The following TMEM30A variants were observed in gnomAD, a reference collection of about 807,000 sequenced individuals.
TMEM30A encodes cell cycle control protein 50A.
A neutral mutation model predicts 38.2 loss-of-function variants in TMEM30A; 24 were observed. That is an observed-to-expected ratio of 0.63 (90% CI 0.46 to 0.88). TMEM30A has a LOEUF of 0.88. TMEM30A is among the 40% of genes least tolerant of loss of function. The pLI is 0.00. For synonymous variants in TMEM30A, 145 were observed against 161.6 expected (o/e 0.90, Z 0.78); for missense variants, 370 against 458.6 (o/e 0.81, Z 1.77).
chr6:75,264,917 T>G (rs1164465880), intron 3 of TMEM30A, among the ~76,000 whole-genome samples: 2 of 151,962 alleles, frequency 1.3e-5, no homozygotes, highest in Non-Finnish European at 2.9e-5. Flanking sequence ...CTGGCCAACA[T>G]GTTGAAACCC....
At chr6:75,271,082 A>G (rs1234639187) in intron 1 of TMEM30A, among the ~76,000 whole-genome samples, 5 of 151,666 alleles carry the variant, frequency 3.3e-5, no homozygotes, top group African/African-American at 1.2e-4. Context: ...AAAACAAACT[A>G]TATTTTAAAA....
At position 75,267,758 on chromosome 6, in the gene TMEM30A, A is replaced by G. The variant is rs762165028; in HGVS notation, c.238-10T>C. On this transcript the variant is annotated splice_polypyrimidine_tract_variant and intron_variant, in intron 1 of 6. Transcript: ENST00000230461. ...TTCCGGTATAATCAATCTGCAAGAG[A>G]AAAATATAACTAAGCACTTCCTTAG... The G allele has an allele frequency of 6.3e-6, 10 of 1,575,482 alleles. No individual in the cohort carries two copies. The South Asian group carries it at 1.0e-4, about 16-fold the overall frequency.
At position 75,256,183 on chromosome 6, in the gene TMEM30A, G is replaced by A; in HGVS notation, c.1005C>T (p.Ile335=). Residue 335 remains isoleucine, a synonymous_variant, in exon 7 of 7, where the codon ATC becomes ATT. Transcript: ENST00000230461. ...GCAGTACAACTCCCAGAAGGAAGGAGATGGATCCAACAGCGATGTAAGCAA... is the reference window on the plus strand; with the variant it reads ...GCAGTACAACTCCCAGAAGGAAGGAAATGGATCCAACAGCGATGTAAGCAA... ...LGIAYIAVGS[I]SFLLGVVLLV... is the part of the protein sequence containing the mutation. The A allele has an allele frequency of 1.2e-6, 2 of 1,613,378 alleles. No individual in the cohort carries two copies. The highest frequency in any genetic ancestry group is 1.3e-5 in the African/African-American group (1 of 74,988).
intron 3 of TMEM30A, among the ~76,000 whole-genome samples, chr6:75,264,710 G>A (rs1489482992): frequency 2.0e-5 from 3 of 152,042 alleles, no homozygotes; most frequent in Admixed American, 2.0e-4. Context: ...CTGAAGAACA[G>A]TAAAGAAACT....
At chr6:75,282,366 G>A (rs1381054351) in intron 1 of TMEM30A, among the ~76,000 whole-genome samples, 1 of 152,162 alleles carries the variant, frequency 6.6e-6, no homozygotes, top group African/African-American at 2.4e-5. Context: ...TACTTAGCGT[G>A]AAGAACCTTA....
chr6:75,273,537 C>G (rs571776196), intron 1 of TMEM30A, among the ~76,000 whole-genome samples: 1 of 150,958 alleles, frequency 6.6e-6, no homozygotes, highest in Middle Eastern at 3.5e-3. Flanking sequence ...GTCTAGTAGT[C>G]AGCAAATTTC....
intron 4 of TMEM30A, among the ~76,000 whole-genome samples, chr6:75,259,880 C>A (rs1334596331): frequency 6.6e-6 from 1 of 152,172 alleles, no homozygotes; most frequent in East Asian, 1.9e-4. Context: ...GCACACAGGG[C>A]TACTGAGTCT....
In TMEM30A at chr6:75,279,250, C is replaced by T. The variant is rs112882389; in HGVS notation, c.237+5152G>A. On this transcript the variant is annotated intron_variant, in intron 1 of 6. Transcript: ENST00000230461. ...TGATTAAAATCCTTTATAAATTTAA[C>T]TCAGCTTATGAGTTTTCACCATCAA... Among the ~76,000 whole-genome samples the T allele has an allele frequency of 4.9e-4, 75 of 152,264 alleles. 1 individual carries two copies. The highest frequency in any genetic ancestry group is 1.8e-3 in the African/African-American group (74 of 41,554).
At chr6:75,273,220 T>C (rs1397446957) in intron 1 of TMEM30A, among the ~76,000 whole-genome samples, 1 of 152,190 alleles carries the variant, frequency 6.6e-6, no homozygotes, top group Non-Finnish European at 1.5e-5. Context: ...GCAAGCTAAG[T>C]AACCGAGTGT....
chr6:75,281,086 C>T (rs1432910279), intron 1 of TMEM30A, among the ~76,000 whole-genome samples: 1 of 152,032 alleles, frequency 6.6e-6, no homozygotes, highest in African/African-American at 2.4e-5. Context: ...ACTAAGATCT[C>T]ATGAAAATGT....
rs1445484538 is a variant in TMEM30A at position 75,259,367 on chromosome 6, T to C, written c.665A>G (p.Asn222Ser). 2 of 1,612,504 alleles carry C rather than the reference T, an allele frequency of 1.2e-6. No homozygotes were observed. Among genetic ancestry groups the C allele is most frequent in the South Asian group, 1.1e-5 (1 of 90,666 alleles). ...VKFRNPPGGD[N>S]LEERFKGTTK... ...TTTACCTTTAAATCGTTCTTCCAGGTTGTCTCCTCCAGGGGGATTTCTGAA... is the reference window on the plus strand; with the variant it reads ...TTTACCTTTAAATCGTTCTTCCAGGCTGTCTCCTCCAGGGGGATTTCTGAA... The change falls in exon 5 of 7, where the codon AAC (asparagine) becomes AGC (serine). Residue 222 changes from asparagine to serine, a missense_variant. By Grantham distance (46) the Asn-to-Ser change is conservative. Transcript: ENST00000230461.
In TMEM30A at chr6:75,284,473, T is replaced by C. The variant is rs550352051; in HGVS notation, c.166A>G (p.Ile56Val). The C allele has an allele frequency of 8.7e-6, 14 of 1,613,612 alleles. No homozygotes were observed. The South Asian group carries it at 1.3e-4, about 15-fold the overall frequency. The change falls in exon 1 of 7, where the codon ATC becomes GTC. Residue 56 changes from isoleucine (I) to valine (V), a missense_variant. Ile to Val is a conservative substitution (Grantham distance 29). Transcript: ENST00000230461. ...ATGGGAATGAAGATGAGACCGATGATGAAGAAAATAGGTAGCACCGTGCCA... is the reference window on the plus strand; with the variant it reads ...ATGGGAATGAAGATGAGACCGATGACGAAGAAAATAGGTAGCACCGTGCCA... Reference protein sequence around the residue: ...TAGTVLPIFFIIGLIFIPIGI... With the variant: ...TAGTVLPIFFVIGLIFIPIGI...
intron 1 of TMEM30A, among the ~76,000 whole-genome samples, chr6:75,269,696 T>G (rs973790447): frequency 2.0e-5 from 3 of 152,104 alleles, no homozygotes; most frequent in African/African-American, 7.2e-5. Flanking sequence ...AGAGTATGTT[T>G]GCTTTTTCTT....
chr6:75,262,515 G>A (rs1423367633), intron 3 of TMEM30A, among the ~76,000 whole-genome samples: 2 of 151,550 alleles, frequency 1.3e-5, no homozygotes, highest in African/African-American at 2.4e-5. Context: ...TGGTGGTGGG[G>A]GCCTATAATC....
rs1772427801 is a variant in TMEM30A at position 75,284,538 on chromosome 6, T to C, written c.101A>G (p.Lys34Arg). The C allele has an allele frequency of 6.2e-7, 1 of 1,612,344 alleles. No homozygotes were observed. The highest frequency in any genetic ancestry group is 1.3e-5 in the African/African-American group (1 of 74,850). The part of the protein sequence containing the change: ...KTRRPDNTAF[K>R]QQRLPAWQPI... ...CTGCCAAGCTGGCAGCCGTTGCTGT[T>C]TGAAGGCCGTGTTATCCGGTCTCCG... Residue 34 changes from lysine (K) to arginine (R), a missense_variant, in exon 1 of 7, where the codon AAA becomes AGA. Physicochemically the swap from Lys to Arg is conservative, Grantham distance 26. Transcript: ENST00000230461.
chr6:75,265,303 G>C lies in TMEM30A; in HGVS notation c.381C>G (p.Phe127Leu). Residue 127 changes from phenylalanine (F) to leucine (L), a missense_variant, in exon 3 of 7, where the codon TTC becomes TTG. Physicochemically the swap from Phe to Leu is conservative, Grantham distance 22 (BLOSUM62 0). Transcript: ENST00000230461. Reference sequence around the variant, plus strand: ...TCACGTAACGACGATGGTTTTGATAGAAATTAGACAGTCCATAATACATAA... The same window carrying C: ...TCACGTAACGACGATGGTTTTGATACAAATTAGACAGTCCATAATACATAA... ...NVFMYYGLSNFYQNHRRYVKS... is the reference protein window; with the variant it reads ...NVFMYYGLSNLYQNHRRYVKS... 1.2e-6 allele frequency: 2 copies of C among 1,611,396 alleles called. No individual in the cohort carries two copies. Among genetic ancestry groups the C allele is most frequent in the South Asian group, 2.2e-5 (2 of 90,862 alleles).
Position 75,265,294 on chromosome 6 carries a change from G to A in TMEM30A, c.390C>T (p.Asn130=). 1 of 1,611,776 alleles carries A rather than the reference G, an allele frequency of 6.2e-7. No homozygotes were observed. ...CTCGAGATTTCACGTAACGACGATG[G>A]TTTTGATAGAAATTAGACAGTCCAT... is the stretch of plus-strand genomic sequence containing the variant. ...MYYGLSNFYQ[N]HRRYVKSRDD... Residue 130 remains asparagine (N), a synonymous_variant, in exon 3 of 7, where the codon AAC becomes AAT. Coordinates refer to ENST00000230461, the MANE Select transcript of TMEM30A (RefSeq NM_018247.4).
In TMEM30A at chr6:75,284,684, G is replaced by A; in HGVS notation, c.-46C>T. The A allele has an allele frequency of 6.3e-7, 1 of 1,594,600 alleles. No homozygotes were observed. Among genetic ancestry groups the A allele is most frequent in the African/African-American group, 1.3e-5 (1 of 74,766 alleles). ...CGCGATTTGCAGGTGGACCACCCAG[G>A]GGGCCCGCCGGCTGACCCTGACAGG... is the stretch of plus-strand genomic sequence containing the variant. On this transcript the variant is annotated 5_prime_UTR_variant, in exon 1 of 7. Transcript: ENST00000230461.
At chr6:75,261,629 G>C (rs1302328531) in intron 3 of TMEM30A, among the ~76,000 whole-genome samples, 3 of 152,172 alleles carry the variant, frequency 2.0e-5, no homozygotes, top group African/African-American at 7.2e-5. Flanking sequence ...GTCTGTCTGA[G>C]CTGGGACCCT....
Sources: allele counts gnomAD v4.1 joint callset (sites outside exome capture counted in the v4.1 genomes callset), GRCh38; gene constraint gnomAD v4.1.1; transcripts MANE v1.5; gene names NCBI Gene and HGNC (gene_info 2026-07-23, HGNC 2026-07-21).